The following GRIK1 variants were observed in gnomAD, a reference collection of about 807,000 sequenced individuals.
GRIK1 encodes glutamate receptor ionotropic, kainate 1.
GRIK1 carries 69 observed loss-of-function variants against 105.7 expected under a neutral mutation model. The ratio of observed to expected loss-of-function variants is 0.65; its 90% confidence interval spans 0.54 to 0.80. The LOEUF (loss-of-function observed/expected upper bound fraction) is 0.80, where lower values mean the gene tolerates loss of function less well. GRIK1 is among the 30% of genes least tolerant of loss of function. The pLI is 0.00. For synonymous variants in GRIK1, 438 were observed against 431.3 expected (o/e 1.02, Z -0.19); for missense variants, 1,109 against 1,167.3 (o/e 0.95, Z 0.73).
intron 1 of GRIK1, among the ~76,000 whole-genome samples, chr21:29,732,155 G>A (rs989762330): frequency 6.6e-6 from 1 of 152,120 alleles, no homozygotes; most frequent in Non-Finnish European, 1.5e-5. Context: ...CTAAAGTAGG[G>A]TAATAAAGTA....
intron 1 of GRIK1, among the ~76,000 whole-genome samples, chr21:29,884,797 T>C (rs1569188417): frequency 6.6e-6 from 1 of 152,062 alleles, no homozygotes; most frequent in Admixed American, 6.6e-5. Flanking sequence ...CTCTTAATTT[T>C]AATCTCTCAC....
intron 4 of GRIK1, among the ~76,000 whole-genome samples, chr21:29,672,046 T>C (rs1351125538): frequency 6.6e-6 from 1 of 151,288 alleles, no homozygotes; most frequent in Non-Finnish European, 1.5e-5. Context: ...TGTTTCTAAT[T>C]CTGAATTTAC....
intron 1 of GRIK1, among the ~76,000 whole-genome samples, chr21:29,737,211 G>A (rs1301180680): frequency 6.6e-6 from 1 of 152,144 alleles, no homozygotes; most frequent in African/African-American, 2.4e-5. Context: ...TGATGGTCTT[G>A]GCGAGACTCT....
chr21:29,918,505 C>T (rs1022943656), intron 1 of GRIK1, among the ~76,000 whole-genome samples: 10 of 151,996 alleles, frequency 6.6e-5, no homozygotes, highest in Non-Finnish European at 1.5e-4. Flanking sequence ...TTGAATATTT[C>T]AATATTCACC....
At chr21:29,786,465 T>G (rs912606115) in intron 1 of GRIK1, among the ~76,000 whole-genome samples, 1 of 151,628 alleles carries the variant, frequency 6.6e-6, no homozygotes, top group Non-Finnish European at 1.5e-5. Context: ...GAGGGCCACC[T>G]TCGACCCTCT....
At chr21:29,799,684 C>T (rs1174864289) in intron 1 of GRIK1, among the ~76,000 whole-genome samples, 2 of 152,172 alleles carry the variant, frequency 1.3e-5, no homozygotes, top group African/African-American at 2.4e-5. Context: ...CATGCACCAC[C>T]ATGCCCGACT....
intron 7 of GRIK1, among the ~76,000 whole-genome samples, chr21:29,599,967 T>A (rs1335740284): frequency 6.6e-6 from 1 of 152,088 alleles, no homozygotes; most frequent in African/African-American, 2.4e-5. Flanking sequence ...ATGCTTGTAA[T>A]CCCAGCTACT....
At chr21:29,783,598 A>T (rs1005389884) in intron 1 of GRIK1, among the ~76,000 whole-genome samples, 1 of 152,180 alleles carries the variant, frequency 6.6e-6, no homozygotes, top group African/African-American at 2.4e-5. Context: ...AATCCATATC[A>T]AATGAACTCA....
At chr21:29,797,078 T>C (rs2066578744) in intron 1 of GRIK1, among the ~76,000 whole-genome samples, 1 of 152,108 alleles carries the variant, frequency 6.6e-6, no homozygotes, top group Non-Finnish European at 1.5e-5. Flanking sequence ...ACTTTCCTAT[T>C]ATCAGGAAAT....
intron 1 of GRIK1, among the ~76,000 whole-genome samples, chr21:29,812,420 A>G (rs2067036388): frequency 6.6e-6 from 1 of 152,156 alleles, no homozygotes; most frequent in South Asian, 2.1e-4. Flanking sequence ...GCAGAAGAAT[A>G]TCCTTGAATC....
chr21:29,596,750 G>A, intron 8 of GRIK1, 180 bp from the exon 9 acceptor site: 2 of 608,264 alleles, frequency 3.3e-6, no homozygotes, highest in Non-Finnish European at 5.9e-6. Context: ...GACGAATCAA[G>A]ACTTGGGTCT....
chr21:29,647,115 A>C (rs1358586942), intron 6 of GRIK1, among the ~76,000 whole-genome samples: 1 of 152,190 alleles, frequency 6.6e-6, no homozygotes, highest in African/African-American at 2.4e-5. Flanking sequence ...AAGTGTTGGG[A>C]TTACAGGTGT....
intron 1 of GRIK1, among the ~76,000 whole-genome samples, chr21:29,715,153 G>T (rs1466380794): frequency 1.3e-5 from 2 of 152,168 alleles, no homozygotes; most frequent in Non-Finnish European, 2.9e-5. Flanking sequence ...ATTCAGGGTT[G>T]TTCAGGAATG....
intron 1 of GRIK1, among the ~76,000 whole-genome samples, chr21:29,924,313 G>A (rs1184496316): frequency 6.6e-6 from 1 of 150,728 alleles, no homozygotes; most frequent in African/African-American, 2.4e-5. Context: ...CTCCAGCCTG[G>A]GCAACACAGT....
At chr21:29,599,790 C>CACAAACAA (rs543964031) in intron 7 of GRIK1, among the ~76,000 whole-genome samples, 1,754 of 152,182 alleles carry the variant, frequency 0.012, 39 homozygotes, top group African/African-American at 0.04. Flanking sequence ...AAGACTCTGT[C>CACAAACAA]ACAAACAAAC....
In GRIK1 at chr21:29,850,159, A is replaced by T. The variant is rs536230721; in HGVS notation, c.118+89224T>A. ...TACTGCATTAACATTTGCTGACAGAAGATCCTTAAAAACTATCTCAAATAT... is the reference window on the plus strand; with the variant it reads ...TACTGCATTAACATTTGCTGACAGATGATCCTTAAAAACTATCTCAAATAT... On this transcript the variant is annotated intron_variant, in intron 1 of 17. Transcript: ENST00000327783. Among the ~76,000 whole-genome samples, 7 of 152,342 alleles carry T rather than the reference A, an allele frequency of 4.6e-5. No individual in the cohort carries two copies. In the South Asian group the frequency reaches 1.2e-3, roughly 27 times the overall value.
At chr21:29,702,932 T>C (rs1259942254) in intron 1 of GRIK1, among the ~76,000 whole-genome samples, 1 of 152,164 alleles carries the variant, frequency 6.6e-6, no homozygotes, top group Non-Finnish European at 1.5e-5. Flanking sequence ...CCACTGTTGG[T>C]GGTAATTTGT....
intron 1 of GRIK1, among the ~76,000 whole-genome samples, chr21:29,805,046 C>T (rs1317895415): frequency 6.6e-6 from 1 of 152,038 alleles, no homozygotes; most frequent in Admixed American, 6.6e-5. Context: ...TTTCCTTTTC[C>T]TTTCTCATGA....
intron 1 of GRIK1, among the ~76,000 whole-genome samples, chr21:29,781,694 C>T (rs1444389249): frequency 8.9e-5 from 7 of 78,642 alleles, no homozygotes; most frequent in Admixed American, 2.1e-4. Flanking sequence ...GACGGAGTCT[C>T]GCTCTGTCGC....
Sources: gnomAD v4.1 joint callset for allele counts (sites outside exome capture counted in the v4.1 genomes callset) on GRCh38, gnomAD v4.1.1 for gene constraint, MANE v1.5 for transcripts, NCBI Gene and HGNC (gene_info 2026-07-23, HGNC 2026-07-21) for gene names.